Variants in ZNF892 observed in about 807,000 individuals in gnomAD.
ZNF892 encodes the protein zinc finger protein 892, also known as zinc finger protein 570-like.
the ZNF892 span, among the ~76,000 whole-genome samples, chr2:95,258,540 C>T: frequency 6.6e-6 from 1 of 152,094 alleles, no homozygotes; most frequent in Non-Finnish European, 1.5e-5. Context: ...TTGGCAATGG[C>T]TGGAAGGTTG....
the ZNF892 span, chr2:95,207,582 T>C: frequency 2.6e-6 from 1 of 383,956 alleles, no homozygotes; most frequent in Non-Finnish European, 4.6e-6. Context: ...GCCTTTGTCG[T>C]CGGGCTCGGC....
chr2:95,235,436 A>G, the ZNF892 span, among the ~76,000 whole-genome samples: 1 of 147,690 alleles, frequency 6.8e-6, no homozygotes, highest in South Asian at 2.1e-4. Context: ...ATCTCGGCTC[A>G]CTGCAACCTC....
the ZNF892 span, among the ~76,000 whole-genome samples, chr2:95,260,803 G>A: frequency 6.6e-6 from 1 of 152,200 alleles, no homozygotes; most frequent in East Asian, 1.9e-4. Flanking sequence ...CTTCCTGCAT[G>A]ATGGGAGGTG....
chr2:95,258,351 T>C, the ZNF892 span, among the ~76,000 whole-genome samples: 1 of 151,958 alleles, frequency 6.6e-6, no homozygotes, highest in African/African-American at 2.4e-5. Flanking sequence ...CTGCCTGGAG[T>C]TGGATGGCAC....
chr2:95,234,733 C>T, the ZNF892 span, among the ~76,000 whole-genome samples: 7 of 152,240 alleles, frequency 4.6e-5, no homozygotes, highest in Admixed American at 4.6e-4. Context: ...CCAGACCTCA[C>T]CCTGTATGTC....
the ZNF892 span, among the ~76,000 whole-genome samples, chr2:95,209,654 CT>C: frequency 6.6e-6 from 1 of 152,234 alleles, no homozygotes; most frequent in East Asian, 1.9e-4. Flanking sequence ...TGATTTTGAT[CT>C]GTGAATTGGT....
chr2:95,237,066 A>G, the ZNF892 span, among the ~76,000 whole-genome samples: 1 of 151,638 alleles, frequency 6.6e-6, no homozygotes. Context: ...TCTGTGTCAC[A>G]TCTTGGTAAT....
At chr2:95,254,484 A>C in the ZNF892 span, among the ~76,000 whole-genome samples, 2 of 152,204 alleles carry the variant, frequency 1.3e-5, no homozygotes, top group Admixed American at 6.5e-5. Flanking sequence ...TCAGTTTGCC[A>C]GTATTTTATT....
chr2:95,254,856 A>G, the ZNF892 span, among the ~76,000 whole-genome samples: 2 of 152,286 alleles, frequency 1.3e-5, no homozygotes, highest in Non-Finnish European at 2.9e-5. Context: ...TAGATTTTCT[A>G]GTTTATTTGC....
the ZNF892 span, among the ~76,000 whole-genome samples, chr2:95,220,347 G>A: frequency 6.8e-6 from 1 of 147,324 alleles, no homozygotes; most frequent in Non-Finnish European, 1.5e-5. Context: ...TTTTCTTGGG[G>A]CTTTTTTTTT....
the ZNF892 span, among the ~76,000 whole-genome samples, chr2:95,236,769 T>G: frequency 6.6e-6 from 1 of 152,146 alleles, no homozygotes; most frequent in Non-Finnish European, 1.5e-5. Context: ...CCTTCTAGAA[T>G]AGTCATGATT....
the ZNF892 span, among the ~76,000 whole-genome samples, chr2:95,237,858 A>G: frequency 2.0e-5 from 3 of 152,252 alleles, no homozygotes; most frequent in East Asian, 1.9e-4. Context: ...GCCAGCTGCA[A>G]TATTCCTTTA....
chr2:95,213,392 T>A, the ZNF892 span, among the ~76,000 whole-genome samples: 1 of 152,206 alleles, frequency 6.6e-6, no homozygotes, highest in Non-Finnish European at 1.5e-5. Flanking sequence ...TGTAGAGACA[T>A]GATTGGAATG....
At chr2:95,255,756 G>T in the ZNF892 span, among the ~76,000 whole-genome samples, 2 of 152,196 alleles carry the variant, frequency 1.3e-5, no homozygotes, top group Admixed American at 1.3e-4. Flanking sequence ...TATGAATCCA[G>T]GTGCTCCTGT....
At chr2:95,255,833 A>G in the ZNF892 span, among the ~76,000 whole-genome samples, 2 of 152,172 alleles carry the variant, frequency 1.3e-5, no homozygotes, top group African/African-American at 4.8e-5. Context: ...CCATTATGTA[A>G]TGGCCTCCTT....
At chr2:95,228,052 T>G in the ZNF892 span, among the ~76,000 whole-genome samples, 1 of 152,346 alleles carries the variant, frequency 6.6e-6, no homozygotes, top group East Asian at 1.9e-4. Flanking sequence ...TTCCAATCAG[T>G]TGGGACACAC....
the ZNF892 span, among the ~76,000 whole-genome samples, chr2:95,257,783 C>T: frequency 6.6e-6 from 1 of 152,224 alleles, no homozygotes; most frequent in Non-Finnish European, 1.5e-5. Flanking sequence ...GCCCCTCCCC[C>T]AGCCTCACTA....
the ZNF892 span, among the ~76,000 whole-genome samples, chr2:95,261,873 C>T: frequency 2.4e-4 from 37 of 152,192 alleles, no homozygotes; most frequent in Admixed American, 8.5e-4. Context: ...GTTCCAGGGC[C>T]AAGGCTGGTA....
At chr2:95,252,496 T>C in the ZNF892 span, among the ~76,000 whole-genome samples, 2 of 152,248 alleles carry the variant, frequency 1.3e-5, no homozygotes, top group East Asian at 1.9e-4. Context: ...TGTTGGACAT[T>C]TGGGTTGGTT....
Sources: gnomAD v4.1 joint callset for allele counts (sites outside exome capture counted in the v4.1 genomes callset) on GRCh38, gnomAD v4.1.1 for gene constraint, MANE v1.5 for transcripts, NCBI Gene and HGNC (gene_info 2026-07-23, HGNC 2026-07-21) for gene names.